Variants in TUB observed in about 807,000 individuals in gnomAD.
TUB encodes the protein TUB bipartite transcription factor.
In TUB, 33 loss-of-function variants were observed where a neutral mutation model predicts 59.7. That is an observed-to-expected ratio of 0.55 (90% CI 0.42 to 0.74). TUB has a LOEUF of 0.74. Ranked by LOEUF, TUB falls within the 30% of genes least tolerant of loss-of-function variation. The pLI is 0.00. For synonymous variants in TUB, 293 were observed against 256.4 expected (o/e 1.14, Z -1.36); for missense variants, 659 against 672.0 (o/e 0.98, Z 0.21).
chr11:8,071,528 G>T (rs1477451508), intron 2 of TUB, among the ~76,000 whole-genome samples: 1 of 152,094 alleles, frequency 6.6e-6, no homozygotes, highest in Non-Finnish European at 1.5e-5. Context: ...AGACACTAAT[G>T]GTGTTTTTAG....
At chr11:8,032,937 CA>C (rs748623801) in intron 1 of TUB, among the ~76,000 whole-genome samples, 4 of 152,174 alleles carry the variant, frequency 2.6e-5, no homozygotes, top group Non-Finnish European at 5.9e-5. Context: ...TCTGGGCCCC[CA>C]AATCTGTTTT....
At chr11:8,055,503 T>C (rs1943006194) in intron 2 of TUB, among the ~76,000 whole-genome samples, 1 of 152,126 alleles carries the variant, frequency 6.6e-6, no homozygotes, top group Admixed American at 6.5e-5. Flanking sequence ...CAGCATCTGC[T>C]GCACACTGGC....
intron 2 of TUB, among the ~76,000 whole-genome samples, 157 bp downstream of exon 2, chr11:8,089,818 A>G (rs1943737130): frequency 2.0e-5 from 3 of 152,220 alleles, no homozygotes; most frequent in Admixed American, 1.3e-4. Context: ...CCAGCTCAGC[A>G]CTAACCCTGC....
chr11:8,084,433 C>G (rs1165564391), intron 1 of TUB, among the ~76,000 whole-genome samples: 1 of 152,166 alleles, frequency 6.6e-6, no homozygotes, highest in East Asian at 1.9e-4. Context: ...TACCTGTGTT[C>G]TTGAGGAATA....
rs768471132 is a variant in TUB at position 8,100,978 on chromosome 11, G to A, written c.1368G>A (p.Gln456=). ...RVTQASVKNF[Q]IIHGNDPDYI... The stretch of plus-strand genomic sequence containing the variant: ...CACAGGCCTCCGTGAAGAACTTCCA[G>A]ATCATCCATGGCAATGACCGTGAGT... The change falls in exon 11 of 12, where the codon CAG becomes CAA. Residue 456 remains glutamine (Q), a synonymous_variant. Transcript: ENST00000299506. 6.2e-7 allele frequency: 1 copy of A among 1,614,060 alleles called. No individual in the cohort carries two copies. The highest frequency in any genetic ancestry group is 1.1e-5 in the South Asian group (1 of 91,086).
At chr11:8,030,577 G>C (rs950529349) in intron 1 of TUB, among the ~76,000 whole-genome samples, 2 of 152,284 alleles carry the variant, frequency 1.3e-5, no homozygotes, top group South Asian at 2.1e-4. Context: ...ATGTGTGTTG[G>C]GGAGTGGGGT....
intron 2 of TUB, among the ~76,000 whole-genome samples, chr11:8,056,284 G>A (rs1943020178): frequency 6.6e-6 from 1 of 152,224 alleles, no homozygotes; most frequent in Non-Finnish European, 1.5e-5. Context: ...GGGCTCAGAG[G>A]GCTGGCTGGG....
At position 8,102,974 on chromosome 11, in the gene TUB, G is replaced by C. The variant is rs17847552; in HGVS notation, c.*1355G>C. 0.035 allele frequency: 5,350 copies of C among 152,354 alleles called. 117 individuals carry two copies. The highest frequency in any genetic ancestry group is 0.071 in the South Asian group (344 of 4,826). 9.4% of individuals were successfully genotyped at this position (152,354 alleles called of 1,614,324 possible). A position where few individuals can be genotyped will look rare whatever the true frequency, so the allele number is the denominator to read the frequency against. ...GATTCAGAGACTTAGAAGCATCAGA[G>C]TTGATAAATTAGATTGAAACCATTC... On this transcript the variant is annotated 3_prime_UTR_variant, in exon 12 of 12. Transcript: ENST00000299506.
At chr11:8,082,328 A>G (rs907547953) in intron 1 of TUB, among the ~76,000 whole-genome samples, 2 of 152,186 alleles carry the variant, frequency 1.3e-5, no homozygotes, top group African/African-American at 2.4e-5. Context: ...ACTGTGGTCT[A>G]TCTCAAGGAT....
chr11:8,054,627 T>G (rs10839972), intron 2 of TUB, among the ~76,000 whole-genome samples: 108,992 of 152,176 alleles, frequency 0.72, 40,507 homozygotes, highest in South Asian at 0.85. Flanking sequence ...GCATACACCT[T>G]GATGTGTGTC....
intron 9 of TUB, 24 bp downstream of exon 9, chr11:8,098,899 C>A: frequency 6.5e-7 from 1 of 1,539,648 alleles, no homozygotes; most frequent in Non-Finnish European, 9.0e-7. Flanking sequence ...TCGGGGGTCT[C>A]TGATTTCCAA....
intron 2 of TUB, among the ~76,000 whole-genome samples, chr11:8,043,276 G>A (rs79284480): frequency 0.025 from 3,784 of 152,228 alleles, 154 homozygotes; most frequent in African/African-American, 0.085. Flanking sequence ...CAATTCCACT[G>A]CTTTGACCTA....
chr11:8,070,307 C>T (rs950632004), intron 2 of TUB, among the ~76,000 whole-genome samples: 15 of 152,042 alleles, frequency 9.9e-5, no homozygotes, highest in Non-Finnish European at 2.2e-4. Flanking sequence ...ATCTCAGTTG[C>T]ATTTTATAAT....
intron 1 of TUB, among the ~76,000 whole-genome samples, chr11:8,030,714 G>A (rs939435306): frequency 2.6e-5 from 4 of 152,180 alleles, no homozygotes; most frequent in Non-Finnish European, 5.9e-5. Flanking sequence ...AGAATGAGGA[G>A]CACAGAGCTG....
chr11:8,091,906 T>C (rs1193709755), intron 3 of TUB, among the ~76,000 whole-genome samples: 1 of 152,222 alleles, frequency 6.6e-6, no homozygotes, highest in Non-Finnish European at 1.5e-5. Context: ...TGTGGCTGTG[T>C]GGCATCACAG....
chr11:8,060,783 G>A (rs1022259179), intron 2 of TUB, among the ~76,000 whole-genome samples: 3 of 152,174 alleles, frequency 2.0e-5, no homozygotes, highest in African/African-American at 7.2e-5. Flanking sequence ...TTATACTGTT[G>A]TACGTATTTG....
Position 8,097,216 on chromosome 11 carries a change from G to A in TUB, c.688-12G>A. On this transcript the variant is annotated splice_polypyrimidine_tract_variant and intron_variant, in intron 6 of 11. Transcript: ENST00000299506. ...TCCTTGGGGCTCAGGCACCTATTCTGCATCCCCATAGGAGGCAGCCTCAGC... is the reference window on the plus strand; with the variant it reads ...TCCTTGGGGCTCAGGCACCTATTCTACATCCCCATAGGAGGCAGCCTCAGC... 1 of 1,613,678 alleles carries A rather than the reference G, an allele frequency of 6.2e-7. No homozygotes were observed. Among genetic ancestry groups the A allele is most frequent in the Non-Finnish European group, 8.5e-7 (1 of 1,179,948 alleles).
chr11:8,101,813 A>T lies in TUB; in HGVS notation c.*194A>T. The stretch of plus-strand genomic sequence containing the variant: ...CTACTGAGGCAGGGGAGTAGTGGAG[A>T]GCGGGTGGGTGGGTGTGAAGGGATG... On this transcript the variant is annotated 3_prime_UTR_variant, in exon 12 of 12. Transcript: ENST00000299506. The T allele has an allele frequency of 4.6e-6, 4 of 876,668 alleles. No homozygotes were observed. The highest frequency in any genetic ancestry group is 3.3e-6 in the Non-Finnish European group (2 of 602,154). The allele number at this position is 876,668 out of a possible 1,614,324, so 54.3% of individuals were successfully genotyped here. A position where few individuals can be genotyped will look rare whatever the true frequency, so the allele number is the denominator to read the frequency against.
At chr11:8,075,015 G>A (rs1943426759) in intron 2 of TUB, among the ~76,000 whole-genome samples, 1 of 151,946 alleles carries the variant, frequency 6.6e-6, no homozygotes, top group Non-Finnish European at 1.5e-5. Context: ...AAAGTGCTGG[G>A]GTTACAGGCA....
Sources: allele counts gnomAD v4.1 joint callset (sites outside exome capture counted in the v4.1 genomes callset), GRCh38; gene constraint gnomAD v4.1.1; transcripts MANE v1.5; gene names NCBI Gene and HGNC (gene_info 2026-07-23, HGNC 2026-07-21).